The following LARGE1 variants were observed in gnomAD, a reference collection of about 807,000 sequenced individuals.
The protein encoded by LARGE1 is LARGE xylosyl- and glucuronyltransferase 1.
LARGE1 carries 43 observed loss-of-function variants against 87.6 expected under a neutral mutation model. The ratio of observed to expected loss-of-function variants is 0.49; its 90% CI spans 0.38 to 0.63. The LOEUF (loss-of-function observed/expected upper bound fraction) is 0.63. Among genes scored for constraint, LARGE1 ranks in the 30% least tolerant of loss-of-function variants. The pLI is 0.00. For synonymous variants in LARGE1, 434 were observed against 394.6 expected (o/e 1.10, Z -1.18); for missense variants, 802 against 1,000.2 (o/e 0.80, Z 2.67).
At chr22:33,921,057 G>C (rs1045029030), upstream of LARGE1, among the ~76,000 whole-genome samples, 1 of 150,468 alleles carries the variant, frequency 6.6e-6, no homozygotes, top group African/African-American at 2.4e-5. The surrounding 1 kb of genome is among the most constrained non-coding windows in gnomAD (Gnocchi z 4.1). Context: ...GCGAGCCGGG[G>C]CTGGGTTCCG....
intron 2 of LARGE1, among the ~76,000 whole-genome samples, chr22:33,672,266 A>G (rs1468278347): frequency 6.6e-6 from 1 of 152,182 alleles, no homozygotes; most frequent in Non-Finnish European, 1.5e-5. Flanking sequence ...GACTTTGGCC[A>G]CTCACAACAC....
intron 7 of LARGE1, among the ~76,000 whole-genome samples, chr22:33,424,873 T>C (rs2066821142): frequency 6.6e-6 from 1 of 152,062 alleles, no homozygotes; most frequent in Non-Finnish European, 1.5e-5. Context: ...TTTAAAATCC[T>C]AATTCCTAAT....
At chr22:33,182,096 A>G (rs961258124) in intron 11 of LARGE1, among the ~76,000 whole-genome samples, 2 of 152,182 alleles carry the variant, frequency 1.3e-5, no homozygotes, top group African/African-American at 4.8e-5. Context: ...CACTGGGATT[A>G]TAGGCGTGAG....
chr22:33,657,486 C>G (rs577393678), intron 2 of LARGE1, among the ~76,000 whole-genome samples: 164 of 152,282 alleles, frequency 1.1e-3, no homozygotes, highest in African/African-American at 3.8e-3. Flanking sequence ...TATGCTATCT[C>G]TGCTTCAAGC....
At chr22:33,858,829 G>A (rs1052234934) in intron 1 of LARGE1, among the ~76,000 whole-genome samples, 7 of 152,148 alleles carry the variant, frequency 4.6e-5, no homozygotes, top group African/African-American at 1.4e-4. Context: ...AAGAAAACGT[G>A]GCACATACAC....
At chr22:33,569,043 G>T (rs1399021478) in intron 5 of LARGE1, among the ~76,000 whole-genome samples, 1 of 152,164 alleles carries the variant, frequency 6.6e-6, no homozygotes, top group Non-Finnish European at 1.5e-5. Flanking sequence ...TCACCGTTAA[G>T]ATCCGAGGAC....
chr22:33,159,371 A>G (rs1921952037), downstream of LARGE1, among the ~76,000 whole-genome samples: 1 of 152,206 alleles, frequency 6.6e-6, no homozygotes. Flanking sequence ...ATATATATTC[A>G]TTTATTATCT....
chr22:33,664,876 GCAA>G (rs949203139), intron 2 of LARGE1, among the ~76,000 whole-genome samples: 2 of 151,938 alleles, frequency 1.3e-5, no homozygotes, highest in Non-Finnish European at 2.9e-5. Context: ...AACAACAACA[GCAA>G]CAACAACAAA....
chr22:33,097,121 C>T, the LARGE1 span, among the ~76,000 whole-genome samples: 3 of 152,330 alleles, frequency 2.0e-5, no homozygotes, highest in East Asian at 3.9e-4. Flanking sequence ...GGCCCCCTTC[C>T]TTTGCCTCCT....
At chr22:33,689,476 G>C (rs240071) in intron 2 of LARGE1, among the ~76,000 whole-genome samples, 23,220 of 152,180 alleles carry the variant, frequency 0.15, 1,996 homozygotes, top group East Asian at 0.27. Context: ...AACAGGGTTA[G>C]GGGAGAAGTG....
intron 9 of LARGE1, among the ~76,000 whole-genome samples, chr22:33,381,710 G>T (rs1301333135): frequency 6.6e-6 from 1 of 152,042 alleles, no homozygotes; most frequent in Non-Finnish European, 1.5e-5. Context: ...TGGTTCTTAC[G>T]CCAGGAGGCT....
chr22:33,670,526 C>CGGG (rs1569358151), intron 2 of LARGE1, among the ~76,000 whole-genome samples: 2 of 151,964 alleles, frequency 1.3e-5, no homozygotes. Flanking sequence ...AGTGGACCCA[C>CGGG]GGGGGCACCG....
At chr22:33,712,363 A>G (rs890704409) in intron 2 of LARGE1, among the ~76,000 whole-genome samples, 3 of 152,160 alleles carry the variant, frequency 2.0e-5, no homozygotes, top group Non-Finnish European at 4.4e-5. Context: ...AACAGCCTTC[A>G]GGCAGGCACG....
chr22:33,904,505 T>C (rs2065378933), intron 1 of LARGE1, among the ~76,000 whole-genome samples: 3 of 152,070 alleles, frequency 2.0e-5, no homozygotes, highest in Admixed American at 2.0e-4. Flanking sequence ...TTCCCTCAGC[T>C]ACGATGGTGG....
chr22:33,276,947 A>C (rs1277861395), intron 14 of LARGE1, 113 bp downstream of exon 14: 30 of 1,023,480 alleles, frequency 2.9e-5, no homozygotes, highest in Non-Finnish European at 2.3e-5. Flanking sequence ...GTCCTCAAGC[A>C]TATCTTGTTC....
At chr22:33,640,138 T>C (rs1173297872) in intron 3 of LARGE1, among the ~76,000 whole-genome samples, 1 of 152,208 alleles carries the variant, frequency 6.6e-6, no homozygotes, top group East Asian at 1.9e-4. Context: ...AGCGCTGTGA[T>C]GAAGGGAGTT....
At chr22:33,869,067 C>T (rs922582576) in intron 1 of LARGE1, among the ~76,000 whole-genome samples, 3 of 152,062 alleles carry the variant, frequency 2.0e-5, no homozygotes, top group Non-Finnish European at 2.9e-5. Flanking sequence ...AAGGGAGACC[C>T]TTTCATTTGA....
chr22:33,757,896 T>C (rs1389488116), intron 2 of LARGE1, among the ~76,000 whole-genome samples: 1 of 152,220 alleles, frequency 6.6e-6, no homozygotes, highest in Non-Finnish European at 1.5e-5. Flanking sequence ...CATGGAGGCA[T>C]TGCCTTTGTG....
intron 6 of LARGE1, among the ~76,000 whole-genome samples, chr22:33,437,233 C>T (rs1051112251): frequency 6.6e-6 from 1 of 152,184 alleles, no homozygotes; most frequent in Non-Finnish European, 1.5e-5. Flanking sequence ...ACATAATAAA[C>T]TCACATGGTG....
Sources: allele counts gnomAD v4.1 joint callset (sites outside exome capture counted in the v4.1 genomes callset), GRCh38; gene constraint gnomAD v4.1.1; non-coding constraint Gnocchi (gnomAD v3.1); transcripts MANE v1.5; gene names NCBI Gene and HGNC (gene_info 2026-07-23, HGNC 2026-07-21).